The following GARNL3 variants were observed in gnomAD, a reference collection of about 807,000 sequenced individuals.
GARNL3 encodes GTPase-activating Rap/Ran-GAP domain-like protein 3.
A neutral mutation model predicts 125.0 loss-of-function variants in GARNL3; 63 were observed. The observed-to-expected ratio is 0.50, with a 90% CI of 0.41 to 0.62. The LOEUF (loss-of-function observed/expected upper bound fraction) is 0.62, where lower values mean the gene tolerates loss of function less well. Among genes scored for constraint, GARNL3 ranks in the 20% least tolerant of loss-of-function variants. GARNL3 has a pLI of 0.00. For synonymous variants in GARNL3, 439 were observed against 457.5 expected (o/e 0.96, Z 0.52); for missense variants, 994 against 1,244.0 (o/e 0.80, Z 3.02).
intron 5 of GARNL3, among the ~76,000 whole-genome samples, chr9:127,320,280 A>C (rs1332057859): frequency 6.6e-6 from 1 of 152,264 alleles, no homozygotes; most frequent in Non-Finnish European, 1.5e-5. Context: ...CTAGAGATCT[A>C]TTTCAATCTC....
At chr9:127,345,623 G>A in intron 16 of GARNL3, 146 bp downstream of exon 16, 1 of 536,264 alleles carries the variant, frequency 1.9e-6, no homozygotes, top group South Asian at 3.0e-5. Flanking sequence ...AGATAAAACT[G>A]AGTGGCCATT....
intron 22 of GARNL3, chr9:127,368,995 C>T (rs1831455625): frequency 6.6e-6 from 1 of 152,166 alleles, no homozygotes; most frequent in South Asian, 2.1e-4. Flanking sequence ...ACTCATCCCT[C>T]AAATCTGCTG....
intron 22 of GARNL3, among the ~76,000 whole-genome samples, chr9:127,377,414 T>C (rs1831979708): frequency 6.6e-6 from 1 of 152,138 alleles, no homozygotes; most frequent in African/African-American, 2.4e-5. Flanking sequence ...AAAGTCAGTG[T>C]CTGAAATTTA....
At position 127,338,259 on chromosome 9, in the gene GARNL3, T is replaced by G. The variant is rs1829662510; in HGVS notation, c.1028+98T>G. On this transcript the variant is annotated intron_variant, in intron 12 of 27. Coordinates refer to ENST00000373387, the MANE Select transcript of GARNL3 (RefSeq NM_032293.5). ...ACTCTTGATATACATATTTCTTGAT[T>G]GATTTAATATGAGTGCCTGCACCTT... 4 of 955,568 alleles carry G rather than the reference T, an allele frequency of 4.2e-6. No homozygotes were observed. In the East Asian group the frequency reaches 9.6e-5, roughly 23 times the overall value. The allele number at this position is 955,568 out of a possible 1,614,324, so 59.2% of individuals were successfully genotyped here.
intron 12 of GARNL3, 41 bp downstream of exon 12, chr9:127,338,202 A>C: frequency 4.9e-6 from 7 of 1,419,394 alleles, no homozygotes; most frequent in South Asian, 1.2e-5. Flanking sequence ...CCTAATTCTC[A>C]TGCTTGTTAA....
chr9:127,348,130 G>A (rs1301380215), intron 16 of GARNL3, among the ~76,000 whole-genome samples: 2 of 152,188 alleles, frequency 1.3e-5, no homozygotes, highest in Admixed American at 1.3e-4. Context: ...GAAGATGTAA[G>A]ACTTCAACTT....
chr9:127,371,203 C>T (rs973775719), intron 22 of GARNL3, among the ~76,000 whole-genome samples: 62 of 152,316 alleles, frequency 4.1e-4, no homozygotes, highest in African/African-American at 1.4e-3. Context: ...CTCACCTGGT[C>T]GGTGTAGCAC....
Position 127,384,603 on chromosome 9 carries a change from G to A in GARNL3, c.2270-424G>A, listed in dbSNP as rs1832444905. Among the ~76,000 whole-genome samples the A allele has an allele frequency of 6.6e-6, 1 of 152,194 alleles. No homozygotes were observed. Among genetic ancestry groups the A allele is most frequent in the Admixed American group, 6.5e-5 (1 of 15,280 alleles). On this transcript the variant is annotated intron_variant, in intron 23 of 27. Transcript: ENST00000373387. This position sits in a 1 kb window ranked among gnomAD's most constrained non-coding sequence, Gnocchi z 4.0. ...ATGGGAGGAGCGAGGAGCACTGAGG[G>A]ACACCAGGGCTGGGCCTTGAAGAGC...
chr9:127,301,375 C>G (rs959448367), intron 2 of GARNL3, among the ~76,000 whole-genome samples: 1 of 152,156 alleles, frequency 6.6e-6, no homozygotes, highest in Non-Finnish European at 1.5e-5. Flanking sequence ...TTGCCCACCC[C>G]CCATCTTTTT....
upstream of GARNL3, among the ~76,000 whole-genome samples, chr9:127,261,879 C>T (rs1488071374): frequency 2.0e-5 from 3 of 152,122 alleles, no homozygotes; most frequent in South Asian, 2.1e-4. Flanking sequence ...TTGCTTGAAA[C>T]GCCTCCAATT....
chr9:127,332,359 C>T lies in GARNL3; in HGVS notation c.670+10C>T, dbSNP rs866579090. On this transcript the variant is annotated intron_variant, in intron 8 of 27. Transcript: ENST00000373387. ...GAGATGTTCAGCAATGGTGAGTGAT[C>T]TCCTCCCGCTCTCTGCTGCCAGAGA... is the stretch of plus-strand genomic sequence containing the variant. 1 of 1,609,698 alleles carries T rather than the reference C, an allele frequency of 6.2e-7. No individual in the cohort carries two copies. The highest frequency in any genetic ancestry group is 8.5e-7 in the Non-Finnish European group (1 of 1,176,118).
At chr9:127,324,362 A>G (rs2065498123) in intron 6 of GARNL3, among the ~76,000 whole-genome samples, 1 of 152,244 alleles carries the variant, frequency 6.6e-6, no homozygotes, top group Non-Finnish European at 1.5e-5. Flanking sequence ...CAGTTCTTTC[A>G]GAATTGCCAT....
intron 7 of GARNL3, among the ~76,000 whole-genome samples, chr9:127,329,708 C>T (rs1469136145): frequency 6.6e-6 from 1 of 152,046 alleles, no homozygotes; most frequent in Non-Finnish European, 1.5e-5. Context: ...AAGATTATGC[C>T]ATGATACTGG....
intron 7 of GARNL3, among the ~76,000 whole-genome samples, chr9:127,328,631 C>T (rs1458399221): frequency 2.0e-5 from 3 of 152,002 alleles, no homozygotes; most frequent in Non-Finnish European, 4.4e-5. Context: ...GGAGGTGTTG[C>T]CTAAACAAGA....
intron 1 of GARNL3, among the ~76,000 whole-genome samples, chr9:127,269,159 G>A (rs573551369): frequency 1.6e-4 from 24 of 151,996 alleles, no homozygotes; most frequent in Non-Finnish European, 2.8e-4. Context: ...CCACCACACC[G>A]GGCTAATTTT....
intron 2 of GARNL3, among the ~76,000 whole-genome samples, chr9:127,303,998 A>G (rs2064875807): frequency 6.6e-6 from 1 of 152,164 alleles, no homozygotes; most frequent in Non-Finnish European, 1.5e-5. Flanking sequence ...GAGCAACTTG[A>G]GTTCATTTCC....
Position 127,348,927 on chromosome 9 carries a change from T to C in GARNL3, c.1435T>C (p.Trp479Arg), listed in dbSNP as rs1167836376. ...AASGICKKEP[W>R]EPQCFCSNFP... The stretch of plus-strand genomic sequence containing the variant: ...CGATGCTTGTATTGCCTCACAGCCG[T>C]GGGAGCCCCAGTGTTTCTGCAGTAA... Residue 479 changes from tryptophan to arginine, a missense_variant, in exon 17 of 28, where the codon TGG becomes CGG. Trp to Arg is a moderately radical substitution (Grantham distance 101). Coordinates refer to ENST00000373387, the MANE Select transcript of GARNL3 (RefSeq NM_032293.5). 6.2e-7 allele frequency: 1 copy of C among 1,609,544 alleles called. No homozygotes were observed. Among genetic ancestry groups the C allele is most frequent in the African/African-American group, 1.3e-5 (1 of 74,698 alleles).
At chr9:127,261,561 C>G (rs2063592500), upstream of GARNL3, among the ~76,000 whole-genome samples, 1 of 151,922 alleles carries the variant, frequency 6.6e-6, no homozygotes, top group African/African-American at 2.4e-5. Context: ...CAGGCATGCA[C>G]CACCATGCCT....
chr9:127,378,587 C>CAAAAAAAAAAA (rs60768775), intron 22 of GARNL3, among the ~76,000 whole-genome samples: 1 of 104,084 alleles, frequency 9.6e-6, no homozygotes, highest in African/African-American at 3.6e-5. Context: ...AACTCCGTCA[C>CAAAAAAAAAAA]AAAAAAAAAA....
Sources: gnomAD v4.1 joint callset for allele counts (sites outside exome capture counted in the v4.1 genomes callset) on GRCh38, gnomAD v4.1.1 for gene constraint, Gnocchi (gnomAD v3.1) non-coding constraint, MANE v1.5 for transcripts, NCBI Gene and HGNC (gene_info 2026-07-23, HGNC 2026-07-21) for gene names.